The following PDIA5 variants were observed in gnomAD, a reference collection of about 807,000 sequenced individuals.
PDIA5 encodes protein disulfide isomerase family A member 5.
PDIA5 carries 58 observed loss-of-function variants against 77.6 expected under a neutral mutation model. That is an observed-to-expected ratio of 0.75 (90% confidence interval 0.61 to 0.93). The LOEUF (loss-of-function observed/expected upper bound fraction) is 0.93, where lower values mean the gene tolerates loss of function less well. Ranked by LOEUF, PDIA5 falls within the 40% of genes least tolerant of loss-of-function variation. The probability of loss-of-function intolerance (pLI) is 0.00; values close to 1 mark genes in which losing one functional copy is unlikely to be tolerated. For synonymous variants in PDIA5, 250 were observed against 252.1 expected, an observed-to-expected ratio of 0.99 and a Z score of 0.08; for missense variants, 630 against 647.7, an observed-to-expected ratio of 0.97 and a Z score of 0.30.
intron 6 of PDIA5, among the ~76,000 whole-genome samples, chr3:123,108,729 T>C (rs1420841580): frequency 6.6e-6 from 1 of 151,098 alleles, no homozygotes; most frequent in Admixed American, 6.6e-5. Context: ...CTACTAAAGA[T>C]AAAAAAATTA....
chr3:123,114,449 C>A (rs1005798864), intron 7 of PDIA5, among the ~76,000 whole-genome samples: 3 of 152,240 alleles, frequency 2.0e-5, no homozygotes, highest in Admixed American at 1.3e-4. Context: ...TGCAGGGCAC[C>A]TATCCCCACT....
chr3:123,099,055 G>GCGCACACACACACA lies in PDIA5; in HGVS notation c.258-3354_258-3341dup, dbSNP rs1491460080. ...ACAATTAGTGTGTGCACACATGCTT[G>GCGCACACACACACA]CGCACACACACACACACACACTACT... On this transcript the variant is annotated intron_variant, in intron 3 of 16. Coordinates refer to ENST00000316218, the MANE Select transcript of PDIA5 (RefSeq NM_006810.4). 7.3e-4 allele frequency among the ~76,000 whole-genome samples: 103 copies of GCGCACACACACACA among 140,190 alleles called. 1 individual carries two copies. The highest frequency in any genetic ancestry group is 3.5e-3 in the Middle Eastern group (1 of 282). 92.0% of individuals were successfully genotyped at this position (140,190 alleles called of 152,430 possible).
At chr3:123,087,317 A>G (rs1054441790) in intron 1 of PDIA5, among the ~76,000 whole-genome samples, 29 of 152,032 alleles carry the variant, frequency 1.9e-4, no homozygotes, top group Admixed American at 4.6e-4. Context: ...CCAGGCTTCA[A>G]ATTAATTTTT....
intron 14 of PDIA5, among the ~76,000 whole-genome samples, chr3:123,154,434 C>G (rs1278616383): frequency 6.6e-6 from 1 of 152,174 alleles, no homozygotes; most frequent in Non-Finnish European, 1.5e-5. Context: ...TTTGGCTGCT[C>G]ACAGTCTGGG....
Position 123,145,204 on chromosome 3 carries a change from A to C in PDIA5, c.911-318A>C, listed in dbSNP as rs537931150. 2.6e-5 allele frequency: 7 copies of C among 274,174 alleles called. No individual in the cohort carries two copies. The Admixed American group carries it at 3.1e-4, about 12-fold the overall frequency. The allele number at this position is 274,174 out of a possible 1,614,324, so 17.0% of individuals were successfully genotyped here. On this transcript the variant is annotated intron_variant, in intron 11 of 16. Transcript: ENST00000316218. ...TGCCCTCTTGGTGCCTCAATTGTCTAATCCATAGAATGGAGATAATGTCAG... is the reference window on the plus strand; with the variant it reads ...TGCCCTCTTGGTGCCTCAATTGTCTCATCCATAGAATGGAGATAATGTCAG...
chr3:123,100,820 G>A (rs2107931408), intron 3 of PDIA5, among the ~76,000 whole-genome samples: 1 of 152,366 alleles, frequency 6.6e-6, no homozygotes, highest in East Asian at 1.9e-4. Context: ...TTCTGGGCTG[G>A]TGCACAGCTG....
intron 6 of PDIA5, 93 bp downstream of exon 6, chr3:123,106,934 G>T: frequency 3.6e-6 from 3 of 829,460 alleles, no homozygotes; most frequent in Admixed American, 4.4e-5. Context: ...TGAGAAATGG[G>T]ACTATTCCAG....
intron 11 of PDIA5, among the ~76,000 whole-genome samples, chr3:123,139,100 G>A (rs556010629): frequency 2.4e-4 from 37 of 152,170 alleles, no homozygotes; most frequent in Non-Finnish European, 4.1e-4. Context: ...GCCAGATCAC[G>A]GAAATCGGAG....
At chr3:123,143,442 AGT>A (rs1935688968) in intron 11 of PDIA5, among the ~76,000 whole-genome samples, 2 of 150,144 alleles carry the variant, frequency 1.3e-5, no homozygotes, top group East Asian at 4.0e-4. Context: ...CAGCATGATG[AGT>A]GTGTAGTGTG....
chr3:123,088,758 G>C (rs1002158395), intron 1 of PDIA5, among the ~76,000 whole-genome samples: 5 of 152,118 alleles, frequency 3.3e-5, no homozygotes, highest in Non-Finnish European at 1.5e-5. Context: ...ATCATCTCTA[G>C]ATTTTTTATG....
Position 123,125,108 on chromosome 3 carries a change from C to T in PDIA5, c.773+765C>T, listed in dbSNP as rs553865162. Among the ~76,000 whole-genome samples the T allele has an allele frequency of 3.9e-4, 60 of 152,330 alleles. 1 individual carries two copies. The highest frequency in any genetic ancestry group is 1.4e-3 in the African/African-American group (60 of 41,580). ...CTCACCAGCACTTCCACGACAGGCT[C>T]ACGATGTCCCCTTCTGGAAGCCTCC... On this transcript the variant is annotated intron_variant, in intron 10 of 16. Transcript: ENST00000316218.
chr3:123,102,330 T>C, intron 3 of PDIA5, 81 bp from the exon 4 acceptor site: 2 of 1,024,230 alleles, frequency 2.0e-6, no homozygotes, highest in Middle Eastern at 2.0e-4. Context: ...ACTTATTTCT[T>C]AGGACACCAG....
At chr3:123,077,889 G>A (rs1268912301) in intron 1 of PDIA5, among the ~76,000 whole-genome samples, 1 of 149,862 alleles carries the variant, frequency 6.7e-6, no homozygotes, top group Non-Finnish European at 1.5e-5. Context: ...AGCTCACTAC[G>A]ACCTCTGCCT....
chr3:123,148,418 A>T (rs930300107), intron 13 of PDIA5, among the ~76,000 whole-genome samples: 31 of 151,970 alleles, frequency 2.0e-4, no homozygotes, highest in African/African-American at 7.3e-4. Flanking sequence ...AAATCAAAAA[A>T]ATTACCTGGG....
At chr3:123,089,331 G>A in intron 2 of PDIA5, 37 bp downstream of exon 2, 1 of 1,605,184 alleles carries the variant, frequency 6.2e-7, no homozygotes, top group East Asian at 2.2e-5. Flanking sequence ...TCAACCATCG[G>A]GGTAGGATGG....
At chr3:123,115,854 C>T (rs1934982719) in intron 7 of PDIA5, among the ~76,000 whole-genome samples, 1 of 152,230 alleles carries the variant, frequency 6.6e-6, no homozygotes, top group African/African-American at 2.4e-5. Flanking sequence ...TGAGGGGTGG[C>T]CTTTTGCTGT....
chr3:123,091,051 A>C (rs1934270929), intron 2 of PDIA5, among the ~76,000 whole-genome samples: 1 of 151,948 alleles, frequency 6.6e-6, no homozygotes, highest in Non-Finnish European at 1.5e-5. Flanking sequence ...GGGGTACTTT[A>C]TCTTGCTGTA....
intron 1 of PDIA5, among the ~76,000 whole-genome samples, chr3:123,083,977 T>A (rs937996744): frequency 1.6e-4 from 25 of 152,096 alleles, no homozygotes; most frequent in Non-Finnish European, 1.2e-4. Flanking sequence ...TTTGCTAGGG[T>A]GAGGGTCTGT....
intron 1 of PDIA5, among the ~76,000 whole-genome samples, chr3:123,082,568 T>G (rs1302417625): frequency 6.6e-6 from 1 of 152,020 alleles, no homozygotes; most frequent in Non-Finnish European, 1.5e-5. Context: ...GCTGAATGTG[T>G]GTACGTGTTC....
Sources: gnomAD v4.1 joint callset for allele counts (sites outside exome capture counted in the v4.1 genomes callset) on GRCh38, gnomAD v4.1.1 for gene constraint, MANE v1.5 for transcripts, NCBI Gene and HGNC (gene_info 2026-07-23, HGNC 2026-07-21) for gene names.